The following MAPKAP1 variants were observed in gnomAD, a reference collection of about 807,000 sequenced individuals.
The protein encoded by MAPKAP1 is MAPK associated protein 1, also known as target of rapamycin complex 2 subunit MAPKAP1.
MAPKAP1 carries 20 observed loss-of-function variants against 65.7 expected under a neutral mutation model. The observed-to-expected ratio is 0.30, with a 90% CI of 0.21 to 0.44. MAPKAP1 has a LOEUF of 0.44. MAPKAP1 is among the 20% of genes least tolerant of loss of function. MAPKAP1 has a pLI of 1.00. For synonymous variants in MAPKAP1, 222 were observed against 244.3 expected, an observed-to-expected ratio of 0.91 and a Z score of 0.85; for missense variants, 423 against 648.0, an observed-to-expected ratio of 0.65 and a Z score of 3.77.
At chr9:125,698,201 GTA>G (rs762170018) in intron 1 of MAPKAP1, among the ~76,000 whole-genome samples, 51 of 141,326 alleles carry the variant, frequency 3.6e-4, no homozygotes, top group Admixed American at 5.1e-4. Context: ...ACACATATGT[GTA>G]TATATATGTG....
chr9:125,496,627 C>T (rs1356632854), intron 8 of MAPKAP1, among the ~76,000 whole-genome samples: 1 of 152,150 alleles, frequency 6.6e-6, no homozygotes, highest in South Asian at 2.1e-4. Flanking sequence ...AGAGCACACG[C>T]AGGAGGAAGA....
chr9:125,696,814 A>C (rs1835400399), intron 1 of MAPKAP1, among the ~76,000 whole-genome samples: 1 of 152,212 alleles, frequency 6.6e-6, no homozygotes, highest in Non-Finnish European at 1.5e-5. Flanking sequence ...GAAGCTGCCC[A>C]ATTCATGAAT....
intron 4 of MAPKAP1, among the ~76,000 whole-genome samples, chr9:125,592,383 G>A (rs895782826): frequency 1.1e-4 from 17 of 152,058 alleles, no homozygotes; most frequent in Admixed American, 1.0e-3. Context: ...TCTGAGACAC[G>A]GGATTATCAG....
At chr9:125,695,611 A>G (rs1380277707) in intron 1 of MAPKAP1, among the ~76,000 whole-genome samples, 2 of 152,230 alleles carry the variant, frequency 1.3e-5, no homozygotes, top group Admixed American at 6.5e-5. Flanking sequence ...TGCATTGTAC[A>G]TAAGAGAATC....
intron 1 of MAPKAP1, among the ~76,000 whole-genome samples, chr9:125,705,539 T>A (rs899707287): frequency 2.0e-5 from 3 of 152,200 alleles, no homozygotes; most frequent in African/African-American, 7.2e-5. Flanking sequence ...TTATCTCTCT[T>A]TCACTAAATT....
In MAPKAP1 at chr9:125,559,625, G is replaced by A. The variant is rs779911616; in HGVS notation, c.848+8C>T. 6.2e-7 allele frequency: 1 copy of A among 1,610,118 alleles called. No individual in the cohort carries two copies. The highest frequency in any genetic ancestry group is 1.1e-5 in the South Asian group (1 of 90,636). On this transcript the variant is annotated splice_region_variant and intron_variant, in intron 6 of 11. Transcript: ENST00000265960. ...GATACCGAGAGAAGTAATAGAGTCA[G>A]TACTCACATTCGAACAAAGAGTGAC...
At position 125,672,632 on chromosome 9, in the gene MAPKAP1, G is replaced by T; in HGVS notation, c.-58C>A. 1.9e-6 allele frequency: 3 copies of T among 1,572,186 alleles called. No individual in the cohort carries two copies. Among genetic ancestry groups the T allele is most frequent in the Non-Finnish European group, 2.6e-6 (3 of 1,149,862 alleles). ...TTTTCTCCTCTTCATATTGTTTCAC[G>T]AGCTCACCTACCTAGAAACATGATG... On this transcript the variant is annotated 5_prime_UTR_variant, in exon 2 of 12. Coordinates refer to ENST00000265960, the MANE Select transcript of MAPKAP1 (RefSeq NM_001006617.3).
In MAPKAP1 at chr9:125,529,275, CTTTG is replaced by C. The variant is rs572034072; in HGVS notation, c.958+13780_958+13783del. Reference sequence around the variant, plus strand: ...AATTCCTATCAAATGTGTTTTATTGCTTTGTTTATTAGCCATCTCCTCTATTAGA... The same window carrying C: ...AATTCCTATCAAATGTGTTTTATTGCTTTATTAGCCATCTCCTCTATTAGA... On this transcript the variant is annotated intron_variant, in intron 7 of 11. Coordinates refer to ENST00000265960, the MANE Select transcript of MAPKAP1 (RefSeq NM_001006617.3). Among the ~76,000 whole-genome samples, 486 of 151,522 alleles carry C rather than the reference CTTTG, an allele frequency of 3.2e-3. 2 individuals carry two copies. The highest frequency in any genetic ancestry group is 5.5e-3 in the Non-Finnish European group (372 of 67,856).
intron 4 of MAPKAP1, among the ~76,000 whole-genome samples, chr9:125,602,911 A>T (rs1341472933): frequency 6.6e-6 from 1 of 152,014 alleles, no homozygotes; most frequent in Non-Finnish European, 1.5e-5. Flanking sequence ...TCCTTCTTTT[A>T]AAAGATGGGG....
intron 8 of MAPKAP1, among the ~76,000 whole-genome samples, chr9:125,495,328 G>C (rs911395868): frequency 6.6e-6 from 1 of 152,144 alleles, no homozygotes; most frequent in Non-Finnish European, 1.5e-5. Context: ...CAAACCATTA[G>C]TCAGGACCTT....
rs569525079 is a variant in MAPKAP1, at chr9:125,546,719, G to A, written c.849-3551C>T. Among the ~76,000 whole-genome samples, 5 of 152,240 alleles carry A rather than the reference G, an allele frequency of 3.3e-5. No homozygotes were observed. The East Asian group carries it at 9.7e-4, about 29-fold the overall frequency. On this transcript the variant is annotated intron_variant, in intron 6 of 11. Coordinates refer to ENST00000265960, the MANE Select transcript of MAPKAP1 (RefSeq NM_001006617.3). ...AATGGTCCTGGGGGGAGTGCTGGTA[G>A]TGGGCAGGAAAGGAAGGGTGCTCCT...
intron 4 of MAPKAP1, among the ~76,000 whole-genome samples, chr9:125,655,342 A>G (rs918978153): frequency 6.6e-6 from 1 of 152,166 alleles, no homozygotes; most frequent in Non-Finnish European, 1.5e-5. Flanking sequence ...TTAAGAGTCA[A>G]CTCTCACGGA....
rs1011348906 is a variant in MAPKAP1 at position 125,468,333 on chromosome 9, TG to T, written c.1208-225del. On this transcript the variant is annotated intron_variant, in intron 9 of 11. Coordinates refer to ENST00000265960, the MANE Select transcript of MAPKAP1 (RefSeq NM_001006617.3). ...GTTTCCTGGGTGGGTGAGTTGAGGGTGGGGGAACCCCCCCAAACTATATGAG... is the reference window on the plus strand; with the variant it reads ...GTTTCCTGGGTGGGTGAGTTGAGGGTGGGGAACCCCCCCAAACTATATGAG... Among the ~76,000 whole-genome samples the T allele has an allele frequency of 1.6e-3, 245 of 152,076 alleles. 1 individual carries two copies. Among genetic ancestry groups the T allele is most frequent in the Non-Finnish European group, 1.1e-3 (78 of 67,964 alleles).
chr9:125,521,829 A>T, intron 7 of MAPKAP1: 1 of 1,533,762 alleles, frequency 6.5e-7, no homozygotes, highest in Non-Finnish European at 9.0e-7. Context: ...TCTCTGAGCT[A>T]CATGAAAGTG....
At chr9:125,521,330 TAG>T (rs1222975320) in intron 7 of MAPKAP1, 1 of 338,318 alleles carries the variant, frequency 3.0e-6, no homozygotes, top group Non-Finnish European at 4.2e-6. Flanking sequence ...TATCACTTGT[TAG>T]AGAGGTTGGA....
At chr9:125,583,887 C>A (rs1304810380) in intron 5 of MAPKAP1, among the ~76,000 whole-genome samples, 6 of 152,118 alleles carry the variant, frequency 3.9e-5, no homozygotes, top group Non-Finnish European at 7.3e-5. Flanking sequence ...CACGGTGAAA[C>A]CCCGTCTCTA....
chr9:125,521,472 G>C, intron 7 of MAPKAP1: 1 of 1,223,980 alleles, frequency 8.2e-7, no homozygotes, highest in Non-Finnish European at 1.0e-6. Context: ...AGATGGTTTT[G>C]TGGAAATAAA....
In MAPKAP1 at chr9:125,707,144, G is replaced by T; in HGVS notation, c.-243C>A. ...TGCCGCTTCCCGGGTTAGCCCTCAT[G>T]CCCCTGCTGCTCGCCGCCGCCGGCC... On this transcript the variant is annotated 5_prime_UTR_variant, in exon 1 of 12. Transcript: ENST00000265960. 1 of 398,206 alleles carries T rather than the reference G, an allele frequency of 2.5e-6. No homozygotes were observed. Among genetic ancestry groups the T allele is most frequent in the Non-Finnish European group, 4.4e-6 (1 of 225,784 alleles). 24.7% of individuals were successfully genotyped at this position (398,206 alleles called of 1,614,324 possible).
chr9:125,482,809 C>G (rs547417769), intron 9 of MAPKAP1, among the ~76,000 whole-genome samples: 1 of 152,066 alleles, frequency 6.6e-6, no homozygotes, highest in Non-Finnish European at 1.5e-5. Flanking sequence ...TGCTTTGGTT[C>G]GAAGTTACTG....
Sources: allele counts gnomAD v4.1 joint callset (sites outside exome capture counted in the v4.1 genomes callset), GRCh38; gene constraint gnomAD v4.1.1; transcripts MANE v1.5; gene names NCBI Gene and HGNC (gene_info 2026-07-23, HGNC 2026-07-21).